TEKT3: variants seen among roughly 807,000 people sequenced by gnomAD.
The protein encoded by TEKT3 is tektin-3.
In TEKT3, 49 loss-of-function variants were observed where a neutral mutation model predicts 49.8. The ratio of observed to expected loss-of-function variants is 0.98; its 90% CI spans 0.78 to 1.25. The LOEUF is 1.25. Ranked by LOEUF, TEKT3 falls within the 50% of genes most tolerant of loss-of-function variation. The pLI, the probability that TEKT3 is intolerant of heterozygous loss-of-function variation, is 0.00. For synonymous variants in TEKT3, 225 were observed against 237.2 expected (o/e 0.95, Z 0.47); for missense variants, 595 against 629.5 (o/e 0.95, Z 0.59).
intron 2 of TEKT3, among the ~76,000 whole-genome samples, chr17:15,333,057 C>A (rs1422123872): frequency 1.3e-4 from 20 of 150,440 alleles, no homozygotes; most frequent in Admixed American, 1.3e-3. Flanking sequence ...ATTTTCTGGG[C>A]CACTCCCCCT....
At chr17:15,320,579 T>C (rs1251262937) in intron 4 of TEKT3, among the ~76,000 whole-genome samples, 4 of 152,206 alleles carry the variant, frequency 2.6e-5, no homozygotes, top group African/African-American at 7.2e-5. Flanking sequence ...TCTTCTTTTA[T>C]TGTTTAATCG....
intron 2 of TEKT3, 84 bp from the exon 3 acceptor site, chr17:15,331,698 TAGTATC>T: frequency 9.5e-7 from 1 of 1,049,310 alleles, no homozygotes; most frequent in Non-Finnish European, 1.3e-6. Context: ...ACATCTGACT[TAGTATC>T]AGTTGCAGAG....
chr17:15,304,273 G>T lies in TEKT3; in HGVS notation c.1257-121C>A. 2.3e-6 allele frequency: 2 copies of T among 887,698 alleles called. No homozygotes were observed. The highest frequency in any genetic ancestry group is 3.5e-6 in the Non-Finnish European group (2 of 579,006). The allele number at this position is 887,698 out of a possible 1,614,324, so 55.0% of individuals were successfully genotyped here. A position where few individuals can be genotyped will look rare whatever the true frequency, so the allele number is the denominator to read the frequency against. ...TCTTTACTTTAGGATATATTTATCAGCAAATGAGAGGTGCATGAAATTAAT... is the reference window on the plus strand; with the variant it reads ...TCTTTACTTTAGGATATATTTATCATCAAATGAGAGGTGCATGAAATTAAT... On this transcript the variant is annotated intron_variant, in intron 8 of 8. Coordinates refer to ENST00000395930, the MANE Select transcript of TEKT3 (RefSeq NM_031898.3). The surrounding 1 kb of genome is among the most constrained non-coding windows in gnomAD (Gnocchi z 4.7).
intron 4 of TEKT3, among the ~76,000 whole-genome samples, chr17:15,323,282 G>A (rs1911343350): frequency 6.6e-6 from 1 of 152,224 alleles, no homozygotes; most frequent in Non-Finnish European, 1.5e-5. Flanking sequence ...TCTGCAGCAT[G>A]GAGGAAGGAA....
intron 7 of TEKT3, among the ~76,000 whole-genome samples, chr17:15,309,316 G>C (rs1350117422): frequency 6.6e-6 from 1 of 152,156 alleles, no homozygotes; most frequent in Non-Finnish European, 1.5e-5. Flanking sequence ...TGCTCACAGA[G>C]GATTTCCCTT....
upstream of TEKT3, among the ~76,000 whole-genome samples, chr17:15,342,742 A>G (rs761844640): frequency 3.9e-5 from 6 of 152,196 alleles, no homozygotes; most frequent in Non-Finnish European, 8.8e-5. Flanking sequence ...ATGAGCCCAG[A>G]GTATTTTCCC....
At chr17:15,312,172 C>T in intron 7 of TEKT3, 87 bp downstream of exon 7, 1 of 1,307,262 alleles carries the variant, frequency 7.6e-7, no homozygotes, top group Non-Finnish European at 1.1e-6. Context: ...CCTATGGTGC[C>T]TCTCTGGGAG....
chr17:15,343,461 T>C (rs541719961), upstream of TEKT3, among the ~76,000 whole-genome samples: 11 of 152,300 alleles, frequency 7.2e-5, no homozygotes, highest in Middle Eastern at 3.4e-3. Context: ...CCTCCTACAA[T>C]GCTTATTAAA....
At chr17:15,321,756 T>C (rs1007601442) in intron 4 of TEKT3, among the ~76,000 whole-genome samples, 2 of 152,220 alleles carry the variant, frequency 1.3e-5, no homozygotes, top group African/African-American at 4.8e-5. Context: ...CAGATTGCAG[T>C]GACTAAAGTG....
chr17:15,337,612 G>A (rs941107358), intron 2 of TEKT3, among the ~76,000 whole-genome samples: 2 of 152,202 alleles, frequency 1.3e-5, no homozygotes, highest in Non-Finnish European at 1.5e-5. Flanking sequence ...GGGAGGCTGA[G>A]GCTGGTGGAT....
intron 8 of TEKT3, among the ~76,000 whole-genome samples, chr17:15,306,089 A>ATATATATATATGTGTGTG (rs1291765039): frequency 7.6e-5 from 11 of 144,408 alleles, no homozygotes; most frequent in African/African-American, 2.6e-4. Context: ...ATTTATATAT[A>ATATATATATATGTGTGTG]TGTGTGTGTG....
intron 8 of TEKT3, among the ~76,000 whole-genome samples, chr17:15,306,396 A>G (rs189069409): frequency 7.6e-4 from 116 of 152,272 alleles, no homozygotes; most frequent in Non-Finnish European, 1.3e-3. Context: ...CCCTCCCCCA[A>G]TAATAATCCT....
intron 4 of TEKT3, 39 bp downstream of exon 4, chr17:15,327,953 C>T: frequency 6.3e-7 from 1 of 1,576,460 alleles, no homozygotes; most frequent in Non-Finnish European, 8.7e-7. Context: ...ACATTTACAA[C>T]TAAGCTGCCT....
rs1479790961 is a variant in TEKT3, at chr17:15,304,892, T to G, written c.1257-740A>C. ...ACACTTCTTCCGGAAGTCCCTCCCT[T>G]AAACCGGAAACCATCTGCTGCCCAG... is the stretch of plus-strand genomic sequence containing the variant. On this transcript the variant is annotated intron_variant, in intron 8 of 8. Coordinates refer to ENST00000395930, the MANE Select transcript of TEKT3 (RefSeq NM_031898.3). This position sits in a 1 kb window ranked among gnomAD's most constrained non-coding sequence, Gnocchi z 4.7. Among the ~76,000 whole-genome samples, 1 of 152,174 alleles carries G rather than the reference T, an allele frequency of 6.6e-6. No homozygotes were observed. Among genetic ancestry groups the G allele is most frequent in the Non-Finnish European group, 1.5e-5 (1 of 68,034 alleles).
At chr17:15,327,962 C>T in intron 4 of TEKT3, 30 bp downstream of exon 4, 1 of 1,595,832 alleles carries the variant, frequency 6.3e-7, no homozygotes, top group Non-Finnish European at 8.6e-7. Flanking sequence ...ACTAAGCTGC[C>T]TGTGACTGAT....
intron 6 of TEKT3, among the ~76,000 whole-genome samples, chr17:15,313,519 T>C (rs77715287): frequency 6.6e-6 from 1 of 152,042 alleles, no homozygotes; most frequent in African/African-American, 2.4e-5. Context: ...CTTTTTTTTT[T>C]CTTTTTTTGA....
At chr17:15,324,101 C>A (rs1456140284) in intron 4 of TEKT3, among the ~76,000 whole-genome samples, 2 of 152,172 alleles carry the variant, frequency 1.3e-5, no homozygotes, top group Non-Finnish European at 2.9e-5. Context: ...TTTCCAATCC[C>A]CCAAGCCTCC....
intron 4 of TEKT3, among the ~76,000 whole-genome samples, chr17:15,322,839 A>C (rs1374905390): frequency 6.6e-6 from 1 of 152,222 alleles, no homozygotes; most frequent in African/African-American, 2.4e-5. Context: ...TTCCACATAC[A>C]ATGCTTTTTA....
At position 15,304,121 on chromosome 17, in the gene TEKT3, T is replaced by C; in HGVS notation, c.1288A>G (p.Thr430Ala). Residue 430 changes from threonine (T) to alanine (A), a missense_variant, in exon 9 of 9, where the codon ACC becomes GCC. Coordinates refer to ENST00000395930, the MANE Select transcript of TEKT3 (RefSeq NM_031898.3). The surrounding 1 kb of genome is among the most constrained non-coding windows in gnomAD (Gnocchi z 4.7). ...LVNEVHEVDD[T>A]IQTLQQRLRD... Reference sequence around the variant, plus strand: ...AGGCGCTGCTGCAGGGTCTGGATGGTGTCGTCAACCTCGTGTACCTCGTTA... The same window carrying C: ...AGGCGCTGCTGCAGGGTCTGGATGGCGTCGTCAACCTCGTGTACCTCGTTA... The C allele has an allele frequency of 1.9e-6, 3 of 1,614,174 alleles. No individual in the cohort carries two copies. The highest frequency in any genetic ancestry group is 2.2e-5 in the East Asian group (1 of 44,872).
Sources: gnomAD v4.1 joint callset for allele counts (sites outside exome capture counted in the v4.1 genomes callset) on GRCh38, gnomAD v4.1.1 for gene constraint, Gnocchi (gnomAD v3.1) non-coding constraint, MANE v1.5 for transcripts, NCBI Gene and HGNC (gene_info 2026-07-23, HGNC 2026-07-21) for gene names.